The following MYT1L variants were observed in gnomAD, a reference collection of about 807,000 sequenced individuals.
MYT1L encodes the protein myelin transcription factor 1-like protein.
In MYT1L, 12 loss-of-function variants were observed where a neutral mutation model predicts 126.7. That is an observed-to-expected ratio of 0.09 (90% CI 0.06 to 0.15). The LOEUF (loss-of-function observed/expected upper bound fraction) is 0.15, where lower values mean the gene tolerates loss of function less well. Ranked by LOEUF, MYT1L falls within the 10% of genes least tolerant of loss-of-function variation. The pLI is 1.00. For missense variants in MYT1L, 979 were observed against 1,585.2 expected, an observed-to-expected ratio of 0.62 and a Z score of 6.49; for synonymous variants, 541 against 604.2, an observed-to-expected ratio of 0.90 and a Z score of 1.53.
At chr2:2,131,919 T>C (rs1190018831) in intron 3 of MYT1L, among the ~76,000 whole-genome samples, 1 of 147,510 alleles carries the variant, frequency 6.8e-6, no homozygotes, top group African/African-American at 2.5e-5. Flanking sequence ...TTTTTTTTTT[T>C]TTTTTTTTGA....
At chr2:2,069,137 C>T (rs2074280852) in intron 3 of MYT1L, among the ~76,000 whole-genome samples, 1 of 151,984 alleles carries the variant, frequency 6.6e-6, no homozygotes, top group South Asian at 2.1e-4. Flanking sequence ...GTTTGTTACA[C>T]AGGCATACAT....
At chr2:2,236,964 CCA>C (rs1164013118) in intron 2 of MYT1L, among the ~76,000 whole-genome samples, 1 of 151,964 alleles carries the variant, frequency 6.6e-6, no homozygotes, top group African/African-American at 2.4e-5. Context: ...CAGGCATGTG[CCA>C]CCACACCCAG....
chr2:2,070,884 G>A (rs1290898909), intron 3 of MYT1L, among the ~76,000 whole-genome samples: 2 of 152,144 alleles, frequency 1.3e-5, no homozygotes, highest in African/African-American at 4.8e-5. Flanking sequence ...TGTGGGAAGT[G>A]TCTACATACC....
At chr2:2,129,682 G>A (rs111795722) in intron 3 of MYT1L, among the ~76,000 whole-genome samples, 6,538 of 152,222 alleles carry the variant, frequency 0.043, 209 homozygotes, top group Non-Finnish European at 0.066. Flanking sequence ...TGAGGTGGGC[G>A]GATCACAAGG....
At chr2:1,952,733 C>T (rs140340880) in intron 8 of MYT1L, among the ~76,000 whole-genome samples, 1 of 514 alleles carries the variant, frequency 1.9e-3, no homozygotes, top group Non-Finnish European at 3.7e-3. Context: ...CTTCCCTTCC[C>T]TCCTTCCTTC....
chr2:2,296,905 T>C (rs886229688), intron 1 of MYT1L, among the ~76,000 whole-genome samples: 10 of 152,244 alleles, frequency 6.6e-5, no homozygotes, highest in African/African-American at 2.4e-4. Context: ...ATGCCCCTGG[T>C]GCACAGAAAA....
At chr2:1,838,543 G>A (rs986128218) in intron 21 of MYT1L, among the ~76,000 whole-genome samples, 5 of 152,196 alleles carry the variant, frequency 3.3e-5, no homozygotes, top group African/African-American at 1.2e-4. Context: ...GACGCTGAGT[G>A]TAATGGGTGC....
chr2:1,832,198 A>C (rs995682994), intron 21 of MYT1L, among the ~76,000 whole-genome samples: 1 of 151,926 alleles, frequency 6.6e-6, no homozygotes, highest in Non-Finnish European at 1.5e-5. Context: ...TCCTTATGAG[A>C]GGAGATGCCA....
intron 8 of MYT1L, among the ~76,000 whole-genome samples, chr2:1,973,876 C>T (rs1194863985): frequency 1.3e-5 from 2 of 152,218 alleles, no homozygotes; most frequent in Admixed American, 6.5e-5. Context: ...GCTCAAACCA[C>T]GCACTTTGGG....
chr2:1,928,556 G>A (rs573092144), intron 9 of MYT1L, among the ~76,000 whole-genome samples: 1 of 152,160 alleles, frequency 6.6e-6, no homozygotes, highest in Admixed American at 6.5e-5. Flanking sequence ...CAGGAGGCAC[G>A]TTCTACACTA....
At chr2:1,832,785 G>A (rs1296134015) in intron 21 of MYT1L, among the ~76,000 whole-genome samples, 1 of 152,148 alleles carries the variant, frequency 6.6e-6, no homozygotes, top group African/African-American at 2.4e-5. Flanking sequence ...GCTCCTGAAG[G>A]GCCCTGGCCT....
chr2:2,049,539 T>G (rs2068577557), intron 4 of MYT1L, among the ~76,000 whole-genome samples: 1 of 152,208 alleles, frequency 6.6e-6, no homozygotes, highest in Non-Finnish European at 1.5e-5. Flanking sequence ...AATTTTCTCC[T>G]AACATAAATT....
intron 8 of MYT1L, among the ~76,000 whole-genome samples, chr2:1,959,273 A>G (rs2058764713): frequency 6.6e-6 from 1 of 152,234 alleles, no homozygotes; most frequent in African/African-American, 2.4e-5. Context: ...CTTAAGATAC[A>G]GCCAGGAACG....
At chr2:2,106,930 G>C (rs1052774718) in intron 3 of MYT1L, among the ~76,000 whole-genome samples, 18 of 152,184 alleles carry the variant, frequency 1.2e-4, no homozygotes, top group Non-Finnish European at 1.9e-4. Flanking sequence ...TAGCTGTGGT[G>C]GGGGCAGACA....
At chr2:2,299,452 G>A (rs1334318455) in intron 1 of MYT1L, among the ~76,000 whole-genome samples, 2 of 152,230 alleles carry the variant, frequency 1.3e-5, no homozygotes, top group Non-Finnish European at 2.9e-5. Flanking sequence ...TTGTGATTTG[G>A]AAGCCTGAGT....
In MYT1L at chr2:1,887,373, T is replaced by A; in HGVS notation, c.2642+115A>T. The A allele has an allele frequency of 1.5e-6, 2 of 1,370,256 alleles. No homozygotes were observed. Among genetic ancestry groups the A allele is most frequent in the Non-Finnish European group, 2.0e-6 (2 of 978,122 alleles). 84.9% of individuals were successfully genotyped at this position (1,370,256 alleles called of 1,614,324 possible). ...GACCCAGCAGTCGGAAACATTTATA[T>A]GCTGCGAATGTCGCATGCTCAAACG... is the stretch of plus-strand genomic sequence containing the variant. On this transcript the variant is annotated intron_variant, in intron 17 of 24. Transcript: ENST00000647738. This position sits in a 1 kb window ranked among gnomAD's most constrained non-coding sequence, Gnocchi z 4.8.
chr2:2,144,857 C>G (rs998413675), intron 3 of MYT1L, among the ~76,000 whole-genome samples: 2 of 152,188 alleles, frequency 1.3e-5, no homozygotes, highest in African/African-American at 4.8e-5. Flanking sequence ...CACCTCACCA[C>G]CTTTCTCTTG....
At chr2:1,933,452 A>C (rs1217266801) in intron 9 of MYT1L, among the ~76,000 whole-genome samples, 3 of 152,256 alleles carry the variant, frequency 2.0e-5, no homozygotes, top group African/African-American at 7.2e-5. Context: ...ATGTCGCTTC[A>C]CTTTGAACAC....
At chr2:2,043,103 C>T (rs1488328813) in intron 4 of MYT1L, among the ~76,000 whole-genome samples, 2 of 152,186 alleles carry the variant, frequency 1.3e-5, no homozygotes, top group South Asian at 2.1e-4. Flanking sequence ...ACCTCACCCA[C>T]GTTCTTTGAG....
Sources: allele counts gnomAD v4.1 joint callset (sites outside exome capture counted in the v4.1 genomes callset), GRCh38; gene constraint gnomAD v4.1.1; non-coding constraint Gnocchi (gnomAD v3.1); transcripts MANE v1.5; gene names NCBI Gene and HGNC (gene_info 2026-07-23, HGNC 2026-07-21).